The following S100A8 variants were observed in gnomAD, a reference collection of about 807,000 sequenced individuals.
S100A8 encodes the protein S100 calcium binding protein A8, also known as protein S100-A8.
A neutral mutation model predicts 4.2 loss-of-function variants in S100A8; 1 was observed. The observed-to-expected ratio is 0.24, with a 90% CI of 0.08 to 1.12. The LOEUF is 1.12. Ranked by LOEUF, S100A8 falls within the 50% of genes most tolerant of loss-of-function variation. The probability of loss-of-function intolerance (pLI) is 0.53; values close to 1 mark genes in which losing one functional copy is unlikely to be tolerated. For missense variants in S100A8, 96 were observed against 111.8 expected (o/e 0.86, Z 0.64); for synonymous variants, 41 against 44.7 (o/e 0.92, Z 0.33).
chr1:153,401,743 A>C, the S100A8 span, among the ~76,000 whole-genome samples: 1 of 152,192 alleles, frequency 6.6e-6, no homozygotes, highest in Admixed American at 6.5e-5. Flanking sequence ...CAAGCAGGAT[A>C]ATATTCAATT....
chr1:153,416,066 A>G, the S100A8 span, among the ~76,000 whole-genome samples: 1 of 152,198 alleles, frequency 6.6e-6, no homozygotes, highest in African/African-American at 2.4e-5. Flanking sequence ...GGAGGATGCA[A>G]GAGCAGCAGG....
the S100A8 span, among the ~76,000 whole-genome samples, chr1:153,406,739 G>A: frequency 6.6e-6 from 1 of 152,114 alleles, no homozygotes; most frequent in African/African-American, 2.4e-5. Context: ...CCAAATTCCT[G>A]TTCACAATCA....
the S100A8 span, among the ~76,000 whole-genome samples, chr1:153,407,276 G>A: frequency 5.5e-4 from 84 of 152,352 alleles, no homozygotes; most frequent in African/African-American, 2.0e-3. Flanking sequence ...CCCTAATACT[G>A]TGCTTTTTCA....
At chr1:153,397,710 T>C in the S100A8 span, among the ~76,000 whole-genome samples, 1 of 152,066 alleles carries the variant, frequency 6.6e-6, no homozygotes, top group Non-Finnish European at 1.5e-5. Context: ...GTTTGCAGCC[T>C]CTCTCTCCCC....
the S100A8 span, among the ~76,000 whole-genome samples, chr1:153,411,053 C>T: frequency 6.6e-6 from 1 of 152,102 alleles, no homozygotes; most frequent in Admixed American, 6.5e-5. Context: ...GGAAGCATTC[C>T]CTTTGAAAAC....
At chr1:153,407,233 A>G in the S100A8 span, among the ~76,000 whole-genome samples, 1 of 152,258 alleles carries the variant, frequency 6.6e-6, no homozygotes, top group Admixed American at 6.5e-5. Flanking sequence ...GGAAGCCGTG[A>G]CAGACGGCAC....
At chr1:153,415,713 C>CG in the S100A8 span, among the ~76,000 whole-genome samples, 1,604 of 26,336 alleles carry the variant, frequency 0.061, 40 homozygotes, top group African/African-American at 0.16. Flanking sequence ...TTCCATGGGG[C>CG]GGGGGGGGCG....
At chr1:153,398,382 C>T in the S100A8 span, among the ~76,000 whole-genome samples, 1 of 151,076 alleles carries the variant, frequency 6.6e-6, no homozygotes, top group African/African-American at 2.4e-5. Flanking sequence ...CCACCCTACT[C>T]CCACCCTGGT....
At chr1:153,417,561 A>G in the S100A8 span, among the ~76,000 whole-genome samples, 1 of 152,306 alleles carries the variant, frequency 6.6e-6, no homozygotes, top group South Asian at 2.1e-4. Context: ...TGTGTCATGC[A>G]GGGCTTGCAC....
chr1:153,402,478 G>A, the S100A8 span, among the ~76,000 whole-genome samples: 1 of 152,328 alleles, frequency 6.6e-6, no homozygotes, highest in East Asian at 1.9e-4. Flanking sequence ...GTAGGAGCCA[G>A]CCTGGGCTGA....
At chr1:153,418,159 A>G in the S100A8 span, 3 of 1,613,976 alleles carry the variant, frequency 1.9e-6, no homozygotes, top group African/African-American at 2.7e-5. Flanking sequence ...CGTGATGGCA[A>G]GATTGAGAAG....
chr1:153,392,889 C>A (rs2101610690), upstream of S100A8, among the ~76,000 whole-genome samples: 1 of 152,324 alleles, frequency 6.6e-6, no homozygotes, highest in South Asian at 2.1e-4. Context: ...ATAACAGCAG[C>A]CACAATCACT....
the S100A8 span, among the ~76,000 whole-genome samples, chr1:153,403,575 A>C: frequency 2.7e-5 from 4 of 146,636 alleles, no homozygotes; most frequent in South Asian, 2.2e-4. Flanking sequence ...CCCCCTCCCC[A>C]CCCCCACTCC....
the S100A8 span, among the ~76,000 whole-genome samples, chr1:153,405,351 C>G: frequency 4.0e-5 from 6 of 150,272 alleles, no homozygotes; most frequent in South Asian, 1.3e-3. Context: ...TTAGTCCAAA[C>G]TGCACCATTT....
chr1:153,422,428 A>G, the S100A8 span: 6 of 814,212 alleles, frequency 7.4e-6, no homozygotes, highest in Non-Finnish European at 7.4e-6. Flanking sequence ...TAGAGCAAGA[A>G]TTTACTTGAT....
At chr1:153,406,273 T>C in the S100A8 span, among the ~76,000 whole-genome samples, 1 of 152,148 alleles carries the variant, frequency 6.6e-6, no homozygotes, top group East Asian at 1.9e-4. Flanking sequence ...ATATAAGACA[T>C]GGCTGGGCGG....
chr1:153,418,160 G>C, the S100A8 span: 1 of 1,614,084 alleles, frequency 6.2e-7, no homozygotes, highest in East Asian at 2.2e-5. Flanking sequence ...GTGATGGCAA[G>C]ATTGAGAAGC....
At chr1:153,402,984 T>C in the S100A8 span, among the ~76,000 whole-genome samples, 3 of 151,884 alleles carry the variant, frequency 2.0e-5, no homozygotes, top group South Asian at 6.2e-4. Flanking sequence ...ATTTATTCTG[T>C]GACAAAAGTG....
chr1:153,422,438 T>G, the S100A8 span: 10 of 864,024 alleles, frequency 1.2e-5, no homozygotes, highest in Non-Finnish European at 1.4e-5. Flanking sequence ...ATTTACTTGA[T>G]TTGGAATAAT....
Sources: gnomAD v4.1 joint callset for allele counts (sites outside exome capture counted in the v4.1 genomes callset) on GRCh38, gnomAD v4.1.1 for gene constraint, MANE v1.5 for transcripts, NCBI Gene and HGNC (gene_info 2026-07-23, HGNC 2026-07-21) for gene names.